The following NAA15 variants were observed in gnomAD, a reference collection of about 807,000 sequenced individuals.
NAA15 encodes the protein N-alpha-acetyltransferase 15, NatA auxiliary subunit.
A neutral mutation model predicts 114.0 loss-of-function variants in NAA15; 34 were observed. The ratio of observed to expected loss-of-function variants is 0.30; its 90% confidence interval spans 0.23 to 0.40. The LOEUF (loss-of-function observed/expected upper bound fraction) is 0.40. NAA15 is among the 10% of genes least tolerant of loss of function. NAA15 has a pLI of 1.00. For missense variants in NAA15, 658 were observed against 1,004.5 expected (o/e 0.66, Z 4.66); for synonymous variants, 340 against 338.0 (o/e 1.01, Z -0.06).
chr4:139,348,716 A>G (rs1747683199), intron 6 of NAA15, among the ~76,000 whole-genome samples: 1 of 152,220 alleles, frequency 6.6e-6, no homozygotes, highest in Non-Finnish European at 1.5e-5. Context: ...GTTTCCTTCC[A>G]TAAGAAAATG....
intron 1 of NAA15, among the ~76,000 whole-genome samples, chr4:139,312,845 G>C (rs1217961648): frequency 6.6e-6 from 1 of 151,090 alleles, no homozygotes; most frequent in Admixed American, 6.6e-5. Flanking sequence ...GACCTTGTCT[G>C]GGGGGGAAAA....
At chr4:139,315,683 G>A (rs1050928952) in intron 1 of NAA15, among the ~76,000 whole-genome samples, 6 of 151,776 alleles carry the variant, frequency 4.0e-5, no homozygotes, top group Non-Finnish European at 8.8e-5. Flanking sequence ...TGTAGATGTA[G>A]TCTATTTTAA....
rs752100214 is a variant in NAA15 at position 139,388,409 on chromosome 4, G to A, written c.*325G>A. 3 of 187,504 alleles carry A rather than the reference G, an allele frequency of 1.6e-5. No homozygotes were observed. The highest frequency in any genetic ancestry group is 3.3e-5 in the Non-Finnish European group (3 of 90,114). The allele number at this position is 187,504 out of a possible 1,614,324, so 11.6% of individuals were successfully genotyped here. ...GGAGGCTGTTACAGCTAACAAAGCAGGTGTGTGGCAGAAATATTACTTTAA... is the reference window on the plus strand; with the variant it reads ...GGAGGCTGTTACAGCTAACAAAGCAAGTGTGTGGCAGAAATATTACTTTAA... On this transcript the variant is annotated 3_prime_UTR_variant, in exon 20 of 20. Transcript: ENST00000296543.
intron 15 of NAA15, 57 bp from the exon 16 acceptor site, chr4:139,376,308 A>C (rs536740902): frequency 1.1e-4 from 124 of 1,098,592 alleles, no homozygotes; most frequent in Non-Finnish European, 1.6e-4. Flanking sequence ...AGTAGAATAA[A>C]ATCACATTCC....
chr4:139,373,350 G>A (rs76311092), intron 15 of NAA15, among the ~76,000 whole-genome samples: 1 of 152,306 alleles, frequency 6.6e-6, no homozygotes, highest in African/African-American at 2.4e-5. Flanking sequence ...TACATGGTAA[G>A]TAGTTGTGTT....
chr4:139,352,662 CTTTTT>C (rs746490411), intron 9 of NAA15, among the ~76,000 whole-genome samples: 2 of 103,290 alleles, frequency 1.9e-5, no homozygotes, highest in Admixed American at 1.1e-4. Flanking sequence ...CATAAAATAT[CTTTTT>C]TTTTTTTTTT....
At chr4:139,329,901 G>A (rs569257640) in intron 1 of NAA15, among the ~76,000 whole-genome samples, 2 of 152,222 alleles carry the variant, frequency 1.3e-5, no homozygotes, top group East Asian at 3.9e-4. Flanking sequence ...CCTTCTTCCT[G>A]TGCTGTGAGC....
At chr4:139,305,630 C>T (rs983317857) in intron 1 of NAA15, among the ~76,000 whole-genome samples, 3 of 151,610 alleles carry the variant, frequency 2.0e-5, no homozygotes, top group Non-Finnish European at 2.9e-5. Context: ...CTCTGTCTCC[C>T]GGGTTCAAGC....
At chr4:139,370,794 T>C (rs893743016) in intron 15 of NAA15, among the ~76,000 whole-genome samples, 1 of 152,228 alleles carries the variant, frequency 6.6e-6, no homozygotes, top group African/African-American at 2.4e-5. Flanking sequence ...AAAATACATA[T>C]GTAAAGCATC....
At chr4:139,386,068 A>G in intron 18 of NAA15, 65 bp from the exon 19 acceptor site, 2 of 810,866 alleles carry the variant, frequency 2.5e-6, no homozygotes, top group Admixed American at 2.5e-5. Context: ...TTTTATATTT[A>G]AATAAGTAGA....
intron 1 of NAA15, among the ~76,000 whole-genome samples, chr4:139,331,227 C>A (rs1237158526): frequency 4.6e-5 from 7 of 152,092 alleles, no homozygotes; most frequent in Admixed American, 6.6e-5. Flanking sequence ...TTGCTTTCCC[C>A]CTCCAGAATC....
At chr4:139,370,965 T>C (rs1748419945) in intron 15 of NAA15, among the ~76,000 whole-genome samples, 1 of 152,220 alleles carries the variant, frequency 6.6e-6, no homozygotes, top group South Asian at 2.1e-4. Flanking sequence ...TAGGCCAAAA[T>C]CTGACCTGCT....
At chr4:139,340,151 A>G (rs956741872) in intron 3 of NAA15, among the ~76,000 whole-genome samples, 2 of 152,076 alleles carry the variant, frequency 1.3e-5, no homozygotes, top group African/African-American at 4.8e-5. Flanking sequence ...GCGAGATCCC[A>G]TCTCTACCAA....
At position 139,326,962 on chromosome 4, in the gene NAA15, CT is replaced by C. The variant is rs1328708405; in HGVS notation, c.55-7211del. Among the ~76,000 whole-genome samples, 3 of 152,082 alleles carry C rather than the reference CT, an allele frequency of 2.0e-5. No homozygotes were observed. The East Asian group carries it at 5.8e-4, about 29-fold the overall frequency. ...TTTTTTCCTTTTTTTGAAACAGAGT[CT>C]CTCTGTGTCTTGCCCAGGCTGGGGT... On this transcript the variant is annotated intron_variant, in intron 1 of 19. Transcript: ENST00000296543.
rs1748996657 is a variant in NAA15, at chr4:139,389,608, T to C, written c.*1524T>C. Reference sequence around the variant, plus strand: ...TGATTTGGGAAAATGAGCCTTAATTTGTTAAACCTATACACTGAGAACTAG... The same window carrying C: ...TGATTTGGGAAAATGAGCCTTAATTCGTTAAACCTATACACTGAGAACTAG... On this transcript the variant is annotated 3_prime_UTR_variant, in exon 20 of 20. Transcript: ENST00000296543. 1.3e-5 allele frequency: 2 copies of C among 152,672 alleles called. No homozygotes were observed. Among genetic ancestry groups the C allele is most frequent in the Admixed American group, 6.5e-5 (1 of 15,286 alleles). 9.5% of individuals were successfully genotyped at this position (152,672 alleles called of 1,614,324 possible).
Position 139,370,218 on chromosome 4 carries a change from G to C in NAA15, c.1761G>C (p.Met587Ile). 1 of 1,536,676 alleles carries C rather than the reference G, an allele frequency of 6.5e-7. No homozygotes were observed. Among genetic ancestry groups the C allele is most frequent in the Non-Finnish European group, 8.7e-7 (1 of 1,148,772 alleles). The change falls in exon 15 of 20, where the codon ATG (methionine) becomes ATC (isoleucine). Residue 587 changes from methionine (M) to isoleucine (I), a missense_variant. Transcript: ENST00000296543. ...TTAACTTATTGCCTGCAGCAAACATGTCTGACAAAGAGCTAAAGAAGCTAC... is the reference window on the plus strand; with the variant it reads ...TTAACTTATTGCCTGCAGCAAACATCTCTGACAAAGAGCTAAAGAAGCTAC... ...NKEHEADTAN[M>I]SDKELKKLRN...
intron 3 of NAA15, among the ~76,000 whole-genome samples, chr4:139,338,206 G>A (rs977432455): frequency 6.6e-6 from 1 of 152,128 alleles, no homozygotes; most frequent in African/African-American, 2.4e-5. Flanking sequence ...AAATGGGAGG[G>A]AGTGGAAAGA....
intron 4 of NAA15, among the ~76,000 whole-genome samples, chr4:139,342,134 T>A (rs1207433250): frequency 6.6e-6 from 1 of 152,220 alleles, no homozygotes; most frequent in East Asian, 1.9e-4. Flanking sequence ...TCTTTCATAT[T>A]CTTTCCTCTT....
At chr4:139,342,400 G>A (rs1747432798) in intron 4 of NAA15, among the ~76,000 whole-genome samples, 1 of 151,778 alleles carries the variant, frequency 6.6e-6, no homozygotes, top group Non-Finnish European at 1.5e-5. Flanking sequence ...TACACAATAT[G>A]GATGTTTGAA....
Sources: gnomAD v4.1 joint callset for allele counts (sites outside exome capture counted in the v4.1 genomes callset) on GRCh38, gnomAD v4.1.1 for gene constraint, MANE v1.5 for transcripts, NCBI Gene and HGNC (gene_info 2026-07-23, HGNC 2026-07-21) for gene names.